Variants in WWOX observed in about 807,000 individuals in gnomAD.
WWOX encodes WW domain-containing oxidoreductase.
In WWOX, 69 loss-of-function variants were observed where a neutral mutation model predicts 46.2. The observed-to-expected ratio is 1.49, with a 90% CI of 1.23 to 1.82. The LOEUF is 1.82. WWOX is among the 40% of genes most tolerant of loss of function. WWOX has a pLI of 0.00. For synonymous variants in WWOX, 359 were observed against 202.6 expected, an observed-to-expected ratio of 1.77 and a Z score of -6.56; for missense variants, 919 against 542.6, an observed-to-expected ratio of 1.69 and a Z score of -6.89.
chr16:78,541,692 T>A (rs1441488882), intron 8 of WWOX, among the ~76,000 whole-genome samples: 1 of 151,888 alleles, frequency 6.6e-6, no homozygotes, highest in Non-Finnish European at 1.5e-5. Flanking sequence ...AAAAGTGATT[T>A]AGCCTTTGTT....
At chr16:78,612,852 C>T (rs759907689) in intron 8 of WWOX, among the ~76,000 whole-genome samples, 26 of 152,146 alleles carry the variant, frequency 1.7e-4, no homozygotes, top group Non-Finnish European at 2.4e-4. Context: ...TTAGAACCAC[C>T]GTCTCTAAGG....
intron 8 of WWOX, among the ~76,000 whole-genome samples, chr16:78,868,326 A>T (rs886717585): frequency 6.6e-6 from 1 of 152,080 alleles, no homozygotes; most frequent in African/African-American, 2.4e-5. Flanking sequence ...TCTAGAAAAG[A>T]TGAAACTCTA....
At chr16:78,152,292 A>T (rs1258356545) in intron 4 of WWOX, among the ~76,000 whole-genome samples, 2 of 152,120 alleles carry the variant, frequency 1.3e-5, no homozygotes, top group Admixed American at 6.5e-5. Context: ...TGTCCTATTC[A>T]TGCAATATAA....
chr16:78,682,206 T>A (rs534280919), intron 8 of WWOX, among the ~76,000 whole-genome samples: 20 of 152,322 alleles, frequency 1.3e-4, no homozygotes, highest in Non-Finnish European at 2.8e-4. Flanking sequence ...TCGCTTGATA[T>A]TTGAAAATTG....
chr16:78,914,878 CAGAAAAAAAAAA>C (rs1442625118), intron 8 of WWOX, among the ~76,000 whole-genome samples: 1 of 65,678 alleles, frequency 1.5e-5, no homozygotes, highest in Non-Finnish European at 2.7e-5. Context: ...GACTCCGCCT[CAGAAAAAAAAAA>C]AAAAAAAAAA....
chr16:78,972,209 G>C (rs1244091735), intron 8 of WWOX, among the ~76,000 whole-genome samples: 2 of 152,108 alleles, frequency 1.3e-5, no homozygotes, highest in Non-Finnish European at 2.9e-5. Flanking sequence ...TGCCGTGCTT[G>C]GAGGGGCGTT....
intron 8 of WWOX, among the ~76,000 whole-genome samples, chr16:79,153,033 A>C (rs1470043385): frequency 6.6e-6 from 1 of 152,188 alleles, no homozygotes; most frequent in South Asian, 2.1e-4. Flanking sequence ...GAGCCGGGCA[A>C]GGAGACCTGC....
At chr16:79,011,095 CATATG>C (rs1240855568) in intron 8 of WWOX, among the ~76,000 whole-genome samples, 3 of 150,998 alleles carry the variant, frequency 2.0e-5, no homozygotes, top group African/African-American at 2.4e-5. Flanking sequence ...TGTATCTTTA[CATATG>C]ATATGTATGG....
intron 8 of WWOX, among the ~76,000 whole-genome samples, chr16:78,528,806 A>G (rs1399446361): frequency 6.6e-6 from 1 of 152,156 alleles, no homozygotes; most frequent in Admixed American, 6.5e-5. Flanking sequence ...CTTCGTGTTC[A>G]GCATTAAGGA....
intron 8 of WWOX, among the ~76,000 whole-genome samples, chr16:78,933,044 C>A (rs1180710947): frequency 6.6e-6 from 1 of 152,180 alleles, no homozygotes; most frequent in African/African-American, 2.4e-5. Flanking sequence ...TTCTATGAGA[C>A]AGAGGGCTGG....
At chr16:79,106,027 A>G (rs556358279) in intron 8 of WWOX, 6 of 152,296 alleles carry the variant, frequency 3.9e-5, no homozygotes, top group Admixed American at 1.3e-4. Context: ...CAGTGATACC[A>G]TAGTATCCCA....
At position 78,632,882 on chromosome 16, in the gene WWOX, C is replaced by A. The variant is rs115338800; in HGVS notation, c.1056+200130C>A. ...CTACTTGGCCAAATTCTTGCCTGAT[C>A]GCCTCTCCACCCCTGCTACGTGTAA... On this transcript the variant is annotated intron_variant, in intron 8 of 8. Transcript: ENST00000566780. Among the ~76,000 whole-genome samples the A allele has an allele frequency of 3.1e-3, 471 of 152,000 alleles. 4 individuals carry two copies. Among genetic ancestry groups the A allele is most frequent in the African/African-American group, 0.011 (447 of 41,452 alleles).
At chr16:78,778,021 G>A (rs1377674586) in intron 8 of WWOX, among the ~76,000 whole-genome samples, 3 of 149,362 alleles carry the variant, frequency 2.0e-5, no homozygotes, top group African/African-American at 5.0e-5. Flanking sequence ...CTCCAGCCTG[G>A]GTGACAGAGT....
chr16:78,187,389 T>A (rs2035743298), intron 5 of WWOX, among the ~76,000 whole-genome samples: 1 of 152,150 alleles, frequency 6.6e-6, no homozygotes, highest in Non-Finnish European at 1.5e-5. Flanking sequence ...CACAGGCAGA[T>A]CACTTGAGGT....
chr16:78,470,572 C>G (rs2084198724), intron 8 of WWOX, among the ~76,000 whole-genome samples: 1 of 152,110 alleles, frequency 6.6e-6, no homozygotes, highest in African/African-American at 2.4e-5. Context: ...CTCTGTCGCC[C>G]AGGCTGGAGT....
chr16:78,367,779 A>G (rs566930873), intron 5 of WWOX, among the ~76,000 whole-genome samples: 3 of 150,784 alleles, frequency 2.0e-5, no homozygotes, highest in African/African-American at 7.3e-5. Context: ...TTGTTTCGAG[A>G]TGGAGTCTCG....
At chr16:78,800,346 A>T (rs2050854142) in intron 8 of WWOX, among the ~76,000 whole-genome samples, 1 of 152,148 alleles carries the variant, frequency 6.6e-6, no homozygotes, top group Non-Finnish European at 1.5e-5. Flanking sequence ...CACAAAGACA[A>T]ATATGTTGCT....
At chr16:78,721,388 A>G (rs891605564) in intron 8 of WWOX, among the ~76,000 whole-genome samples, 1 of 152,194 alleles carries the variant, frequency 6.6e-6, no homozygotes, top group Admixed American at 6.5e-5. Context: ...AAATCTGTGT[A>G]GTGACAACAA....
intron 8 of WWOX, among the ~76,000 whole-genome samples, chr16:79,187,574 C>A (rs2051042703): frequency 6.6e-6 from 1 of 152,170 alleles, no homozygotes. Context: ...GCCACCACGC[C>A]CAGCTGATTT....
Sources: gnomAD v4.1 joint callset for allele counts (sites outside exome capture counted in the v4.1 genomes callset) on GRCh38, gnomAD v4.1.1 for gene constraint, MANE v1.5 for transcripts, NCBI Gene and HGNC (gene_info 2026-07-23, HGNC 2026-07-21) for gene names.